The following IL1RAPL1 variants were observed in gnomAD, a reference collection of about 807,000 sequenced individuals.
IL1RAPL1 encodes the protein interleukin 1 receptor accessory protein like 1.
Under a neutral mutation model 48.4 loss-of-function variants are expected in IL1RAPL1, and 3 were observed. The ratio of observed to expected loss-of-function variants is 0.06; its 90% CI spans 0.03 to 0.16. The LOEUF is 0.16. Ranked by LOEUF, IL1RAPL1 falls within the 10% of genes least tolerant of loss-of-function variation. IL1RAPL1 has a pLI of 1.00. For synonymous variants in IL1RAPL1, 185 were observed against 187.7 expected (o/e 0.99, Z 0.12); for missense variants, 349 against 530.6 (o/e 0.66, Z 3.36).
At chrX:29,084,643 T>A (rs946521313) in intron 2 of IL1RAPL1, among the ~76,000 whole-genome samples, 1 of 112,494 alleles carries the variant, frequency 8.9e-6, no homozygotes, top group Non-Finnish European at 1.9e-5. Flanking sequence ...TAATGTGGGC[T>A]TATTTTCCTA....
chrX:29,709,851 T>C (rs1927293353), intron 6 of IL1RAPL1, among the ~76,000 whole-genome samples: 1 of 112,025 alleles, frequency 8.9e-6, no homozygotes, highest in Non-Finnish European at 1.9e-5. Context: ...TCATTCATGT[T>C]TTACAGTTTT....
At chrX:29,925,529 TTC>T (rs1932882951) in intron 8 of IL1RAPL1, among the ~76,000 whole-genome samples, 3 of 101,555 alleles carry the variant, frequency 3.0e-5, no homozygotes, top group Non-Finnish European at 5.9e-5. Flanking sequence ...ACCTCTGCAC[TTC>T]TTTTATTATT....
At chrX:28,697,097 G>T (rs1935241052) in intron 1 of IL1RAPL1, among the ~76,000 whole-genome samples, 1 of 111,340 alleles carries the variant, frequency 9.0e-6, no homozygotes, top group Admixed American at 9.6e-5. Flanking sequence ...ATCAGTTGTT[G>T]TTACTTTTAA....
chrX:29,024,339 T>C (rs1430885632), intron 2 of IL1RAPL1, among the ~76,000 whole-genome samples: 1 of 111,972 alleles, frequency 8.9e-6, no homozygotes, highest in Non-Finnish European at 1.9e-5. Context: ...CATATTTATT[T>C]TTTTAGAGGA....
At chrX:29,505,767 G>A (rs1435985173) in intron 5 of IL1RAPL1, among the ~76,000 whole-genome samples, 1 of 111,247 alleles carries the variant, frequency 9.0e-6, no homozygotes, top group Non-Finnish European at 1.9e-5. Context: ...TCTCATATGT[G>A]GATATTTGTC....
At chrX:29,802,194 C>T (rs1271934661) in intron 6 of IL1RAPL1, among the ~76,000 whole-genome samples, 2 of 111,567 alleles carry the variant, frequency 1.8e-5, no homozygotes, top group Admixed American at 9.6e-5. Context: ...ATGGAGCGTT[C>T]GGTAGCTAGC....
chrX:28,963,560 G>A (rs1924843872), intron 2 of IL1RAPL1, among the ~76,000 whole-genome samples: 1 of 110,799 alleles, frequency 9.0e-6, no homozygotes, highest in Non-Finnish European at 1.9e-5. Context: ...ATGCTGCAAG[G>A]GATTAATCAA....
intron 5 of IL1RAPL1, among the ~76,000 whole-genome samples, chrX:29,573,356 A>G (rs1186517471): frequency 1.8e-5 from 2 of 112,637 alleles, no homozygotes; most frequent in Non-Finnish European, 3.7e-5. Context: ...TCCCAAGTTC[A>G]TAGGTAGTAA....
intron 2 of IL1RAPL1, among the ~76,000 whole-genome samples, chrX:28,967,532 G>A (rs1290626186): frequency 9.1e-6 from 1 of 110,443 alleles, no homozygotes; most frequent in East Asian, 2.8e-4. Context: ...TTAAATTAAA[G>A]ATCTCCCCCT....
intron 5 of IL1RAPL1, among the ~76,000 whole-genome samples, chrX:29,524,330 G>A (rs1935532049): frequency 9.1e-6 from 1 of 110,374 alleles, no homozygotes; most frequent in Admixed American, 9.7e-5. Context: ...ATATATTTGT[G>A]TATGTGTAGA....
At chrX:29,901,196 G>T (rs750791654) in intron 6 of IL1RAPL1, among the ~76,000 whole-genome samples, 2 of 111,823 alleles carry the variant, frequency 1.8e-5, no homozygotes, top group Admixed American at 1.9e-4. Flanking sequence ...CATACATCTC[G>T]TTGACCCGGT....
intron 1 of IL1RAPL1, among the ~76,000 whole-genome samples, chrX:28,610,940 G>C (rs190950626): frequency 1.8e-5 from 2 of 111,221 alleles, no homozygotes; most frequent in Admixed American, 9.5e-5. Flanking sequence ...GCTAATGCGC[G>C]TACCCTCTAC....
intron 5 of IL1RAPL1, among the ~76,000 whole-genome samples, chrX:29,405,384 T>TTTTTTTTA: frequency 9.9e-6 from 1 of 100,627 alleles, no homozygotes; most frequent in African/African-American, 4.4e-5. Flanking sequence ...TTATTTTTTT[T>TTTTTTTTA]GAGACAGAGT....
At position 28,669,534 on chromosome X, in the gene IL1RAPL1, G is replaced by T. The variant is rs1052821091; in HGVS notation, c.-25+81487G>T. Among the ~76,000 whole-genome samples, 5 of 107,993 alleles carry T rather than the reference G, an allele frequency of 4.6e-5. No individual in the cohort carries two copies. The Admixed American group carries it at 5.1e-4, about 11-fold the overall frequency. 93.8% of individuals were successfully genotyped at this position (107,993 alleles called of 115,157 possible). On this transcript the variant is annotated intron_variant, in intron 1 of 10. Transcript: ENST00000378993. ...CTCAGGAAGCTGAGGCAGGAGAATCGCTTGAACCAGGAGGCAGAGGTTGCA... is the reference window on the plus strand; with the variant it reads ...CTCAGGAAGCTGAGGCAGGAGAATCTCTTGAACCAGGAGGCAGAGGTTGCA...
At chrX:28,683,576 G>C (rs796936046) in intron 1 of IL1RAPL1, among the ~76,000 whole-genome samples, 2 of 111,622 alleles carry the variant, frequency 1.8e-5, no homozygotes, top group East Asian at 2.8e-4. Flanking sequence ...CCTGTGGCTT[G>C]TGTTACTAGT....
chrX:29,065,616 A>G (rs759630685), intron 2 of IL1RAPL1, among the ~76,000 whole-genome samples: 1 of 110,830 alleles, frequency 9.0e-6, no homozygotes, highest in Non-Finnish European at 1.9e-5. Flanking sequence ...GTTTCTCTTC[A>G]CTTTCTGTCC....
chrX:29,752,070 A>ATG (rs200277693), intron 6 of IL1RAPL1, among the ~76,000 whole-genome samples: 40 of 89,103 alleles, frequency 4.5e-4, no homozygotes, highest in African/African-American at 1.8e-3. Flanking sequence ...ATGTATATAT[A>ATG]TGTGTGTATG....
intron 5 of IL1RAPL1, among the ~76,000 whole-genome samples, chrX:29,539,374 A>G (rs1921356060): frequency 8.9e-6 from 1 of 111,754 alleles, no homozygotes; most frequent in Non-Finnish European, 1.9e-5. Context: ...TTCACGTTAA[A>G]AACCCTCAAG....
intron 6 of IL1RAPL1, among the ~76,000 whole-genome samples, chrX:29,715,369 C>T (rs1300301419): frequency 9.0e-6 from 1 of 111,365 alleles, no homozygotes; most frequent in Non-Finnish European, 1.9e-5. Context: ...TTCCTAACAA[C>T]TTCCAAAGTG....
Sources: allele counts gnomAD v4.1 joint callset (sites outside exome capture counted in the v4.1 genomes callset), GRCh38; gene constraint gnomAD v4.1.1; transcripts MANE v1.5; gene names NCBI Gene and HGNC (gene_info 2026-07-23, HGNC 2026-07-21).